Variants in MYO1G observed in about 807,000 individuals in gnomAD.
The protein encoded by MYO1G is unconventional myosin-Ig.
Under a neutral mutation model 115.3 loss-of-function variants are expected in MYO1G, and 65 were observed. That is an observed-to-expected ratio of 0.56 (90% CI 0.46 to 0.69). The LOEUF is 0.69. Ranked by LOEUF, MYO1G falls within the 30% of genes least tolerant of loss-of-function variation. The pLI is 0.00. For missense variants in MYO1G, 1,204 were observed against 1,393.5 expected (o/e 0.86, Z 2.16); for synonymous variants, 510 against 552.6 (o/e 0.92, Z 1.08).
chr7:44,972,155 A>C lies in MYO1G; in HGVS notation c.689T>G (p.Phe230Cys). Residue 230 changes from phenylalanine to cysteine, a missense_variant, in exon 6 of 22, where the codon TTC becomes TGC. By Grantham distance (205) the Phe-to-Cys change is radical (BLOSUM62 -2). Coordinates refer to ENST00000258787, the MANE Select transcript of MYO1G (RefSeq NM_033054.3). Reference sequence around the variant, plus strand: ...GTTGAGTCCTGCTCCCTGGTGTGTGAAATTGTATACAGCAGGGTTTCTCTC... The same window carrying C: ...GTTGAGTCCTGCTCCCTGGTGTGTGCAATTGTATACAGCAGGGTTTCTCTC... ...HLERNPAVYN[F>C]THQGAGLNMT... is the part of the protein sequence containing the mutation. The C allele has an allele frequency of 6.2e-7, 1 of 1,614,132 alleles. No homozygotes were observed.
chr7:44,974,323 A>G (rs1385693564), intron 5 of MYO1G: 1 of 150,100 alleles, frequency 6.7e-6, no homozygotes, highest in Non-Finnish European at 1.5e-5. Flanking sequence ...TGGGGAGCAC[A>G]GAGTCTGTGA....
intron 5 of MYO1G, chr7:44,974,513 C>G (rs1795012853): frequency 1.3e-5 from 2 of 153,722 alleles, no homozygotes; most frequent in Admixed American, 6.4e-5. Flanking sequence ...GTGGGGAGCT[C>G]CAAGTCCCTA....
intron 17 of MYO1G, 136 bp downstream of exon 17, chr7:44,965,501 T>G (rs1187142200): frequency 1.2e-6 from 1 of 805,042 alleles, no homozygotes; most frequent in Non-Finnish European, 2.0e-6. Flanking sequence ...TCAGCTAATG[T>G]GGCATAGCAT....
At position 44,975,278 on chromosome 7, in the gene MYO1G, G is replaced by A. The variant is rs1795027608; in HGVS notation, c.565-51C>T. ...CAGGCCTGGGAAGGAGTCTGACCCTGGGGACCCCATCTGAACATTCCCAGG... is the reference window on the plus strand; with the variant it reads ...CAGGCCTGGGAAGGAGTCTGACCCTAGGGACCCCATCTGAACATTCCCAGG... On this transcript the variant is annotated intron_variant, in intron 4 of 21. Coordinates refer to ENST00000258787, the MANE Select transcript of MYO1G (RefSeq NM_033054.3). The A allele has an allele frequency of 2.5e-6, 4 of 1,602,996 alleles. No homozygotes were observed. In the South Asian group the frequency reaches 3.3e-5, roughly 13 times the overall value.
Position 44,979,002 on chromosome 7 carries a change from G to A in MYO1G, c.-41C>T. ...CACCTTGCCTCACCTTCCTGTGCCTGCTGGAAGGACAGTGAAGGAGAGGGG... is the reference window on the plus strand; with the variant it reads ...CACCTTGCCTCACCTTCCTGTGCCTACTGGAAGGACAGTGAAGGAGAGGGG... On this transcript the variant is annotated 5_prime_UTR_variant, in exon 1 of 22. Coordinates refer to ENST00000258787, the MANE Select transcript of MYO1G (RefSeq NM_033054.3). The A allele has an allele frequency of 1.3e-6, 2 of 1,584,752 alleles. No homozygotes were observed. Among genetic ancestry groups the A allele is most frequent in the Non-Finnish European group, 8.7e-7 (1 of 1,153,450 alleles).
In MYO1G at chr7:44,965,773, G is replaced by T. The variant is rs772234800; in HGVS notation, c.2245C>A (p.Arg749=). The T allele has an allele frequency of 6.2e-7, 1 of 1,603,828 alleles. No individual in the cohort carries two copies. The highest frequency in any genetic ancestry group is 1.1e-5 in the South Asian group (1 of 91,014). The part of the protein sequence containing the change: ...IMRWFRRHKV[R]AHLAELQRRF... Reference sequence around the variant, plus strand: ...CGCTGCAGCTCAGCCAGGTGAGCCCGCACCTTGTGTCTCCGGAACCAGCGC... The same window carrying T: ...CGCTGCAGCTCAGCCAGGTGAGCCCTCACCTTGTGTCTCCGGAACCAGCGC... The change falls in exon 17 of 22, where the codon CGG becomes AGG. Residue 749 remains arginine (R), a synonymous_variant. Transcript: ENST00000258787.
chr7:44,972,084 A>T, intron 6 of MYO1G, 31 bp downstream of exon 6: 1 of 1,552,012 alleles, frequency 6.4e-7, no homozygotes, highest in South Asian at 1.1e-5. Flanking sequence ...CACTGAGCCC[A>T]GTTTGAGCCC....
In MYO1G at chr7:44,962,911, G is replaced by C. The variant is rs1012801057; in HGVS notation, c.2901-16C>G. The C allele has an allele frequency of 1.3e-6, 2 of 1,488,152 alleles. No individual in the cohort carries two copies. The highest frequency in any genetic ancestry group is 1.5e-5 in the African/African-American group (1 of 68,548). The allele number at this position is 1,488,152 out of a possible 1,614,324, so 92.2% of individuals were successfully genotyped here. A position where few individuals can be genotyped will look rare whatever the true frequency, so the allele number is the denominator to read the frequency against. ...GCGGCCCTCCCTGCGGCAGGAGGAG[G>C]GGTCAGGGCGGCCACGCGGCCGGGG... On this transcript the variant is annotated splice_polypyrimidine_tract_variant and intron_variant, in intron 21 of 21. Coordinates refer to ENST00000258787, the MANE Select transcript of MYO1G (RefSeq NM_033054.3). This position sits in a 1 kb window ranked among gnomAD's most constrained non-coding sequence, Gnocchi z 5.3.
At position 44,967,865 on chromosome 7, in the gene MYO1G, C is replaced by G; in HGVS notation, c.1649+19G>C. The stretch of plus-strand genomic sequence containing the variant: ...CAGGGCCCTGGCCCTCCCTATGGTG[C>G]CCAGCAAGCCGTGCTCACCTGTTGT... On this transcript the variant is annotated intron_variant, in intron 13 of 21. Transcript: ENST00000258787. 6.2e-7 allele frequency: 1 copy of G among 1,613,684 alleles called. No homozygotes were observed. The highest frequency in any genetic ancestry group is 8.5e-7 in the Non-Finnish European group (1 of 1,179,948).
rs1177241544 is a variant in MYO1G at position 44,971,021 on chromosome 7, C to T, written c.885G>A (p.Leu295=). Residue 295 remains leucine (L), a synonymous_variant, in exon 8 of 22, where the codon CTG becomes CTA. Transcript: ENST00000258787. Reference sequence around the variant, plus strand: ...CGGCCACTGCCAGGCCCTCCTTCTGCAGCCCACCCTCCTCCGTCTCCACAA... The same window carrying T: ...CGGCCACTGCCAGGCCCTCCTTCTGTAGCCCACCCTCCTCCGTCTCCACAA... ...IEFVETEEGG[L]QKEGLAVAEE... is the part of the protein sequence containing the mutation. 7 of 1,613,082 alleles carry T rather than the reference C, an allele frequency of 4.3e-6. No homozygotes were observed. The highest frequency in any genetic ancestry group is 5.9e-6 in the Non-Finnish European group (7 of 1,179,936).
Position 44,966,581 on chromosome 7 carries a change from C to T in MYO1G, c.1949+91G>A, listed in dbSNP as rs373837399. ...TGGTTCCTGCTTGTATCGATGTTTG[C>T]GACGTGCTGTTTGGGGACCCTCTGC... On this transcript the variant is annotated intron_variant, in intron 15 of 21. Transcript: ENST00000258787. This position sits in a 1 kb window ranked among gnomAD's most constrained non-coding sequence, Gnocchi z 5.0. 128 of 1,493,694 alleles carry T rather than the reference C, an allele frequency of 8.6e-5. 1 individual carries two copies. In the East Asian group the frequency reaches 2.4e-3, roughly 28 times the overall value. 92.5% of individuals were successfully genotyped at this position (1,493,694 alleles called of 1,614,324 possible). A position where few individuals can be genotyped will look rare whatever the true frequency, so the allele number is the denominator to read the frequency against.
intron 3 of MYO1G, among the ~76,000 whole-genome samples, chr7:44,976,175 C>G (rs1795046350): frequency 6.6e-6 from 1 of 152,262 alleles, no homozygotes; most frequent in Non-Finnish European, 1.5e-5. Flanking sequence ...CACACAGCCA[C>G]CTGGCATGCT....
intron 1 of MYO1G, among the ~76,000 whole-genome samples, chr7:44,978,376 C>G (rs1263886900): frequency 1.3e-5 from 2 of 152,194 alleles, no homozygotes; most frequent in South Asian, 2.1e-4. Context: ...ATGTTTGGAC[C>G]CTAGGGTGGA....
chr7:44,969,191 A>G lies in MYO1G; in HGVS notation c.1574+222T>C. 1.9e-6 allele frequency: 1 copy of G among 536,094 alleles called. No individual in the cohort carries two copies. The highest frequency in any genetic ancestry group is 3.4e-6 in the Non-Finnish European group (1 of 294,308). 33.2% of individuals were successfully genotyped at this position (536,094 alleles called of 1,614,324 possible). ...ACGTGGGTATTTTTTAAAGGCTCCC[A>G]GAAGAATGCAGCCATGGTTAACCAC... On this transcript the variant is annotated intron_variant, in intron 12 of 21. Coordinates refer to ENST00000258787, the MANE Select transcript of MYO1G (RefSeq NM_033054.3). The surrounding 1 kb of genome is among the most constrained non-coding windows in gnomAD (Gnocchi z 5.0).
Position 44,966,935 on chromosome 7 carries a change from C to T in MYO1G, c.1783-97G>A, listed in dbSNP as rs1794857350. 3 of 1,316,168 alleles carry T rather than the reference C, an allele frequency of 2.3e-6. No homozygotes were observed. Among genetic ancestry groups the T allele is most frequent in the Admixed American group, 4.5e-5 (2 of 44,102 alleles). 81.5% of individuals were successfully genotyped at this position (1,316,168 alleles called of 1,614,324 possible). On this transcript the variant is annotated intron_variant, in intron 14 of 21. Coordinates refer to ENST00000258787, the MANE Select transcript of MYO1G (RefSeq NM_033054.3). The surrounding 1 kb of genome is among the most constrained non-coding windows in gnomAD (Gnocchi z 5.0). ...TTCCTAACCCCTCAAGGTCCCAGGC[C>T]AGGAGAAGAGTTGGGAACAAAGAAG...
At chr7:44,977,120 C>G (rs1361760518) in intron 1 of MYO1G, 49 bp from the exon 2 acceptor site, 1 of 1,578,352 alleles carries the variant, frequency 6.3e-7, no homozygotes, top group South Asian at 1.1e-5. Context: ...TACAGGCACC[C>G]ACAGGCCTTT....
chr7:44,969,577 T>C lies in MYO1G; in HGVS notation c.1504-94A>G. The C allele has an allele frequency of 1.3e-6, 2 of 1,576,330 alleles. No individual in the cohort carries two copies. The highest frequency in any genetic ancestry group is 1.7e-6 in the Non-Finnish European group (2 of 1,148,122). ...CTCCCCACCTCCAGGGCAGAGAAGG[T>C]TGCCACAGTGACGACAATGGCACCA... On this transcript the variant is annotated intron_variant, in intron 11 of 21. Coordinates refer to ENST00000258787, the MANE Select transcript of MYO1G (RefSeq NM_033054.3). This position sits in a 1 kb window ranked among gnomAD's most constrained non-coding sequence, Gnocchi z 5.0.
chr7:44,975,322 TC>T, intron 4 of MYO1G, 95 bp from the exon 5 acceptor site: 1 of 1,529,228 alleles, frequency 6.5e-7, no homozygotes, highest in Non-Finnish European at 9.1e-7. Context: ...AGGCTGGGGG[TC>T]AGAGAGTCCT....
At chr7:44,977,364 A>G (rs558855894) in intron 1 of MYO1G, among the ~76,000 whole-genome samples, 1 of 152,336 alleles carries the variant, frequency 6.6e-6, no homozygotes, top group East Asian at 1.9e-4. Context: ...TTTGCAAAGG[A>G]AACAGACTTG....
Sources: gnomAD v4.1 joint callset for allele counts (sites outside exome capture counted in the v4.1 genomes callset) on GRCh38, gnomAD v4.1.1 for gene constraint, Gnocchi (gnomAD v3.1) non-coding constraint, MANE v1.5 for transcripts, NCBI Gene and HGNC (gene_info 2026-07-23, HGNC 2026-07-21) for gene names.